Variants in DCBLD2 observed in about 807,000 individuals in gnomAD.
DCBLD2 encodes discoidin, CUB and LCCL domain containing 2, also known as discoidin, CUB and LCCL domain-containing protein 2.
A neutral mutation model predicts 86.8 loss-of-function variants in DCBLD2; 54 were observed. That is an observed-to-expected ratio of 0.62 (90% CI 0.50 to 0.78). The LOEUF (loss-of-function observed/expected upper bound fraction) is 0.78. Among genes scored for constraint, DCBLD2 ranks in the 30% least tolerant of loss-of-function variants. The pLI, the probability that DCBLD2 is intolerant of heterozygous loss-of-function variation, is 0.00. For missense variants in DCBLD2, 908 were observed against 954.2 expected (o/e 0.95, Z 0.64); for synonymous variants, 354 against 341.3 (o/e 1.04, Z -0.41).
chr3:98,809,333 C>T (rs1268782341), intron 12 of DCBLD2, among the ~76,000 whole-genome samples: 4 of 121,236 alleles, frequency 3.3e-5, no homozygotes, highest in African/African-American at 1.2e-4. Flanking sequence ...TAACCTGCAC[C>T]ATCTTCTTTA....
At chr3:98,830,127 T>C (rs1942294689) in intron 3 of DCBLD2, among the ~76,000 whole-genome samples, 2 of 151,874 alleles carry the variant, frequency 1.3e-5, no homozygotes, top group Non-Finnish European at 2.9e-5. Context: ...TTATTGATGT[T>C]GGATATCAGA....
intron 2 of DCBLD2, among the ~76,000 whole-genome samples, chr3:98,872,619 T>C (rs1393410313): frequency 1.3e-5 from 2 of 152,180 alleles, no homozygotes; most frequent in Non-Finnish European, 2.9e-5. Flanking sequence ...GAATGTTTTA[T>C]AGGCAATAGG....
chr3:98,836,672 CG>C (rs1942461345), intron 3 of DCBLD2, among the ~76,000 whole-genome samples: 1 of 114,104 alleles, frequency 8.8e-6, no homozygotes, highest in African/African-American at 3.3e-5. Flanking sequence ...TAGGGGCGGC[CG>C]GGCAGAGGCG....
chr3:98,810,589 TA>T (rs1395012205), intron 12 of DCBLD2, among the ~76,000 whole-genome samples: 1 of 152,196 alleles, frequency 6.6e-6, no homozygotes, highest in Non-Finnish European at 1.5e-5. Flanking sequence ...CAACAACTAG[TA>T]AGACTACTAT....
chr3:98,880,867 C>G (rs1425345706), intron 2 of DCBLD2, among the ~76,000 whole-genome samples: 1 of 152,136 alleles, frequency 6.6e-6, no homozygotes, highest in African/African-American at 2.4e-5. Flanking sequence ...TTTTTAATCA[C>G]CATGCTATAC....
chr3:98,820,329 C>A (rs372378304), intron 6 of DCBLD2, 41 bp from the exon 7 acceptor site: 2 of 1,352,730 alleles, frequency 1.5e-6, no homozygotes, highest in African/African-American at 1.5e-5. Flanking sequence ...ACTCACATAA[C>A]ACATGATGCC....
At chr3:98,847,520 A>G (rs368826476) in intron 3 of DCBLD2, among the ~76,000 whole-genome samples, 1 of 152,194 alleles carries the variant, frequency 6.6e-6, no homozygotes, top group Non-Finnish European at 1.5e-5. Flanking sequence ...AACTAAGGAA[A>G]GGCAGGTTCC....
chr3:98,807,493 C>T (rs1390014274), intron 13 of DCBLD2, among the ~76,000 whole-genome samples: 1 of 152,158 alleles, frequency 6.6e-6, no homozygotes, highest in Non-Finnish European at 1.5e-5. Context: ...CAGGCCCTCA[C>T]TAGTCATAGT....
intron 3 of DCBLD2, among the ~76,000 whole-genome samples, chr3:98,836,207 G>A (rs1490547413): frequency 7.0e-6 from 1 of 143,484 alleles, no homozygotes; most frequent in African/African-American, 2.6e-5. Flanking sequence ...CTGCCGGCAG[G>A]TGCTCTGGTT....
chr3:98,876,906 A>G (rs1235056458), intron 2 of DCBLD2, among the ~76,000 whole-genome samples: 1 of 152,216 alleles, frequency 6.6e-6, no homozygotes, highest in Non-Finnish European at 1.5e-5. Flanking sequence ...GAGAAAGCAA[A>G]GTACAAAAGA....
chr3:98,807,643 C>T (rs968408235), intron 13 of DCBLD2, among the ~76,000 whole-genome samples: 1 of 152,168 alleles, frequency 6.6e-6, no homozygotes, highest in Non-Finnish European at 1.5e-5. Flanking sequence ...TAGCCAACTA[C>T]AATTCCTTTA....
At chr3:98,829,813 G>C (rs555230910) in intron 3 of DCBLD2, among the ~76,000 whole-genome samples, 2 of 152,162 alleles carry the variant, frequency 1.3e-5, no homozygotes, top group Non-Finnish European at 1.5e-5. Flanking sequence ...TTAGCACTCT[G>C]AGCAATCACC....
chr3:98,799,458 A>G lies in DCBLD2; in HGVS notation c.2242T>C (p.Leu748=), dbSNP rs1054833556. The G allele has an allele frequency of 5.6e-6, 9 of 1,613,862 alleles. No individual in the cohort carries two copies. The highest frequency in any genetic ancestry group is 6.8e-6 in the Non-Finnish European group (8 of 1,179,892). The change falls in exon 16 of 16, where the codon TTG becomes CTG. Residue 748 remains leucine (L), a synonymous_variant. Transcript: ENST00000326840. ...GTGCTCTGTGGCACCTGGTACACCA[A>G]TTCGTCTGGGGCAGGTAGACCTGGC... ...GKPGLPAPDE[L]VYQVPQSTQE...
Position 98,901,445 on chromosome 3 carries a change from CCTCACCCCGCGCCGGGA to C in DCBLD2, c.-136_-120del, listed in dbSNP as rs1943850722. On this transcript the variant is annotated 5_prime_UTR_variant, in exon 1 of 16. Transcript: ENST00000326840. ...GCGGGAGAACAAGAGGCAGCCCTCG[CCTCACCCCGCGCCGGGA>C]CCCTTCCGCCCCTCACCCCGCTTTC... 9.6e-7 allele frequency: 1 copy of C among 1,043,932 alleles called. No individual in the cohort carries two copies. The allele number at this position is 1,043,932 out of a possible 1,614,324, so 64.7% of individuals were successfully genotyped here.
At chr3:98,834,643 T>C (rs1286555037) in intron 3 of DCBLD2, among the ~76,000 whole-genome samples, 5 of 150,368 alleles carry the variant, frequency 3.3e-5, no homozygotes, top group Non-Finnish European at 7.5e-5. Context: ...TTCTTTTTCA[T>C]TGCTGAATAA....
chr3:98,881,662 CG>C lies in DCBLD2; in HGVS notation c.310del (p.Arg104ValfsTer2), dbSNP rs1559798575. ...GCGAACTCTCTCTCCCATCTTTACACGGATCTCCCATTCACAAACAGTGCTG... is the reference window on the plus strand; with the variant it reads ...GCGAACTCTCTCTCCCATCTTTACACGATCTCCCATTCACAAACAGTGCTG... The part of the protein sequence containing the change: ...PNSTVCEWEI[R>X]VKMGERVRIK... On this transcript the variant is annotated frameshift_variant, in exon 2 of 16. Transcript: ENST00000326840. LOFTEE classifies it high-confidence loss of function. 3 of 1,613,912 alleles carry C rather than the reference CG, an allele frequency of 1.9e-6. No homozygotes were observed. The highest frequency in any genetic ancestry group is 2.5e-6 in the Non-Finnish European group (3 of 1,179,864).
intron 2 of DCBLD2, among the ~76,000 whole-genome samples, chr3:98,865,816 C>T (rs922476883): frequency 5.3e-5 from 8 of 151,352 alleles, no homozygotes; most frequent in East Asian, 1.9e-4. Flanking sequence ...CCCATTAACT[C>T]GTCATTTACA....
chr3:98,842,460 C>T (rs370182251), intron 3 of DCBLD2, among the ~76,000 whole-genome samples: 2 of 152,122 alleles, frequency 1.3e-5, no homozygotes, highest in East Asian at 3.8e-4. Flanking sequence ...TAGTATAGTA[C>T]AACATAATTT....
chr3:98,869,510 G>A (rs550392252), intron 2 of DCBLD2, among the ~76,000 whole-genome samples: 2 of 152,064 alleles, frequency 1.3e-5, no homozygotes, highest in Middle Eastern at 3.4e-3. Context: ...CTCTGCCTAC[G>A]CCAATATCCA....
Sources: allele counts gnomAD v4.1 joint callset (sites outside exome capture counted in the v4.1 genomes callset), GRCh38; gene constraint gnomAD v4.1.1; transcripts MANE v1.5; gene names NCBI Gene and HGNC (gene_info 2026-07-23, HGNC 2026-07-21).